Variants in RBFOX1 observed in about 807,000 individuals in gnomAD.
The protein encoded by RBFOX1 is RNA binding protein fox-1 homolog 1.
RBFOX1 carries 8 observed loss-of-function variants against 57.7 expected under a neutral mutation model. The ratio of observed to expected loss-of-function variants is 0.14; its 90% CI spans 0.08 to 0.25. The LOEUF (loss-of-function observed/expected upper bound fraction) is 0.25, where lower values mean the gene tolerates loss of function less well. RBFOX1 is among the 10% of genes least tolerant of loss of function. The pLI is 1.00. For synonymous variants in RBFOX1, 326 were observed against 222.4 expected (o/e 1.47, Z -4.15); for missense variants, 611 against 548.5 (o/e 1.11, Z -1.14).
chr16:5,681,328 C>A (rs2050327613), intron 3 of RBFOX1, among the ~76,000 whole-genome samples: 1 of 151,152 alleles, frequency 6.6e-6, no homozygotes, highest in African/African-American at 2.4e-5. Context: ...TTGTGATCCA[C>A]CCGCCTCGGC....
intron 1 of RBFOX1, among the ~76,000 whole-genome samples, chr16:6,263,721 T>G (rs529496241): frequency 0.038 from 5,759 of 152,240 alleles, 157 homozygotes; most frequent in Middle Eastern, 0.13. Flanking sequence ...TTTCTTTTTG[T>G]TTGTAAATTT....
At chr16:7,223,158 G>T (rs1024680408) in intron 4 of RBFOX1, among the ~76,000 whole-genome samples, 7 of 152,208 alleles carry the variant, frequency 4.6e-5, no homozygotes, top group African/African-American at 7.2e-5. Flanking sequence ...TGAAGCGAAG[G>T]GTTGACCAGC....
intron 1 of RBFOX1, among the ~76,000 whole-genome samples, chr16:5,412,831 A>C (rs74007406): frequency 0.021 from 3,252 of 152,270 alleles, 113 homozygotes; most frequent in African/African-American, 0.075. Context: ...CTAGGGCTTC[A>C]CATTTTTGGG....
chr16:7,343,578 TATA>T (rs1183660396), intron 4 of RBFOX1, among the ~76,000 whole-genome samples: 5 of 152,200 alleles, frequency 3.3e-5, no homozygotes, highest in African/African-American at 9.6e-5. Flanking sequence ...CAGATTTTGT[TATA>T]ATAACAACAG....
intron 12 of RBFOX1, among the ~76,000 whole-genome samples, chr16:7,662,858 A>G (rs2068115255): frequency 6.6e-6 from 1 of 152,154 alleles, no homozygotes; most frequent in Non-Finnish European, 1.5e-5. Flanking sequence ...CAGATGAGTA[A>G]GTGAGGTTCA....
intron 1 of RBFOX1, among the ~76,000 whole-genome samples, chr16:5,407,160 CA>C (rs2066889912): frequency 6.6e-6 from 1 of 152,042 alleles, no homozygotes; most frequent in South Asian, 2.1e-4. Flanking sequence ...GTGAAAAGTG[CA>C]GGGGAAGCTG....
chr16:5,424,521 G>A lies in RBFOX1; in HGVS notation c.220-42695G>A, dbSNP rs148688528. ...TACGAGGATTCTAAAGATGGGTGGC[G>A]TTTTACTTTTTTTTTTTTTTTTAGC... On this transcript the variant is annotated intron_variant, in intron 1 of 2. Coordinates refer to the RBFOX1 transcript ENST00000585867. Among the ~76,000 whole-genome samples the A allele has an allele frequency of 2.4e-4, 31 of 130,800 alleles. No homozygotes were observed. The Middle Eastern group carries it at 0.011, about 48-fold the overall frequency. 85.8% of individuals were successfully genotyped at this position (130,800 alleles called of 152,430 possible). A position where few individuals can be genotyped will look rare whatever the true frequency, so the allele number is the denominator to read the frequency against.
intron 4 of RBFOX1, among the ~76,000 whole-genome samples, chr16:7,384,927 G>A (rs959387600): frequency 6.6e-6 from 1 of 152,204 alleles, no homozygotes; most frequent in African/African-American, 2.4e-5. Context: ...TTAAAACAGA[G>A]AGTGGTGGGG....
intron 3 of RBFOX1, among the ~76,000 whole-genome samples, chr16:6,948,375 C>CTTTTTTTTTTTTTTTTTTTTTTTTTTT (rs968186299): frequency 2.9e-5 from 2 of 67,964 alleles, no homozygotes; most frequent in African/African-American, 6.7e-5. Context: ...TTCTCCCTTT[C>CTTTTTTTTTTTTTTTTTTTTTTTTTTT]TTTTTTTTTT....
At chr16:6,115,010 T>A (rs1319970849) in intron 1 of RBFOX1, among the ~76,000 whole-genome samples, 1 of 152,162 alleles carries the variant, frequency 6.6e-6, no homozygotes, top group Non-Finnish European at 1.5e-5. Context: ...TTTAGAACTT[T>A]CCAGGAAAGG....
intron 4 of RBFOX1, among the ~76,000 whole-genome samples, chr16:7,275,563 C>G (rs531038653): frequency 4.3e-4 from 66 of 152,302 alleles, no homozygotes; most frequent in East Asian, 1.5e-3. Flanking sequence ...TGCTGGACTT[C>G]TTTAGTGAAA....
chr16:6,000,335 C>T (rs1172681123), intron 4 of RBFOX1, among the ~76,000 whole-genome samples: 2 of 152,084 alleles, frequency 1.3e-5, no homozygotes, highest in South Asian at 4.1e-4. Flanking sequence ...GAAGATCATG[C>T]CAAAGCTCAG....
At position 6,539,089 on chromosome 16, in the gene RBFOX1, G is replaced by C. The variant is rs374330128; in HGVS notation, c.-63-115514G>C. Among the ~76,000 whole-genome samples, 143 of 151,430 alleles carry C rather than the reference G, an allele frequency of 9.4e-4. No homozygotes were observed. The Middle Eastern group carries it at 0.014, about 14-fold the overall frequency. ...CTGTCTCTGCAAGGCTGACTCCTTTGACCCTGGCAGAAAGAACAGTTGATG... is the reference window on the plus strand; with the variant it reads ...CTGTCTCTGCAAGGCTGACTCCTTTCACCCTGGCAGAAAGAACAGTTGATG... On this transcript the variant is annotated intron_variant, in intron 2 of 15. Transcript: ENST00000550418.
At chr16:7,469,615 C>A (rs190073783) in intron 4 of RBFOX1, among the ~76,000 whole-genome samples, 1 of 152,130 alleles carries the variant, frequency 6.6e-6, no homozygotes, top group Non-Finnish European at 1.5e-5. Context: ...TTCCCATGCA[C>A]CCACACTCCG....
chr16:5,387,409 G>C (rs1311066070), intron 1 of RBFOX1, among the ~76,000 whole-genome samples: 1 of 152,168 alleles, frequency 6.6e-6, no homozygotes, highest in Non-Finnish European at 1.5e-5. Context: ...AGTCATCACA[G>C]ACCTAGGCAC....
intron 4 of RBFOX1, among the ~76,000 whole-genome samples, chr16:7,238,574 C>T (rs138993094): frequency 2.6e-5 from 4 of 152,260 alleles, no homozygotes; most frequent in African/African-American, 9.6e-5. Flanking sequence ...GTGTTCTTCC[C>T]ATCTTGTGTA....
chr16:7,225,247 A>C (rs1454194807), intron 4 of RBFOX1, among the ~76,000 whole-genome samples: 1 of 152,052 alleles, frequency 6.6e-6, no homozygotes, highest in Non-Finnish European at 1.5e-5. Flanking sequence ...TCCCCACCCA[A>C]ATCTCATCTT....
At chr16:5,764,369 C>G (rs1567510321) in intron 3 of RBFOX1, among the ~76,000 whole-genome samples, 1 of 152,242 alleles carries the variant, frequency 6.6e-6, no homozygotes, top group Non-Finnish European at 1.5e-5. Flanking sequence ...TCACCAGAAG[C>G]TGAGTAGATG....
At chr16:7,168,743 C>G (rs1010186754) in intron 4 of RBFOX1, among the ~76,000 whole-genome samples, 2 of 152,180 alleles carry the variant, frequency 1.3e-5, no homozygotes, top group Non-Finnish European at 2.9e-5. Context: ...ATATCCATAA[C>G]ACATTATTTA....
Sources: allele counts gnomAD v4.1 joint callset (sites outside exome capture counted in the v4.1 genomes callset), GRCh38; gene constraint gnomAD v4.1.1; transcripts MANE v1.5; gene names NCBI Gene and HGNC (gene_info 2026-07-23, HGNC 2026-07-21).